The following ACTA2 variants were observed in gnomAD, a reference collection of about 807,000 sequenced individuals.
ACTA2 encodes actin, aortic smooth muscle.
Under a neutral mutation model 39.5 loss-of-function variants are expected in ACTA2, and 12 were observed. That is an observed-to-expected ratio of 0.30 (90% CI 0.19 to 0.49). ACTA2 has a LOEUF of 0.49. ACTA2 is among the 20% of genes least tolerant of loss of function. The pLI is 0.99. For synonymous variants in ACTA2, 158 were observed against 180.6 expected, an observed-to-expected ratio of 0.88 and a Z score of 1.00; for missense variants, 236 against 498.8, an observed-to-expected ratio of 0.47 and a Z score of 5.02.
At chr10:88,983,872 G>A (rs1228002875) in intron 1 of ACTA2, among the ~76,000 whole-genome samples, 3 of 152,178 alleles carry the variant, frequency 2.0e-5, no homozygotes, top group African/African-American at 4.8e-5. Context: ...AGGAATGCCT[G>A]CTTAGTGTCT....
At chr10:88,949,440 G>A (rs1846011419) in intron 1 of ACTA2, among the ~76,000 whole-genome samples, 2 of 152,244 alleles carry the variant, frequency 1.3e-5, no homozygotes, top group East Asian at 3.9e-4. Context: ...TGAGGGACAG[G>A]CAGCATGTAA....
At chr10:88,968,398 TAATGGAGCAATTA>T (rs139844950) in intron 1 of ACTA2, among the ~76,000 whole-genome samples, 80,150 of 151,884 alleles carry the variant, frequency 0.53, 23,053 homozygotes, top group Non-Finnish European at 0.66. Flanking sequence ...TTAAAACTCA[TAATGGAGCAATTA>T]AAACCATGTT....
At chr10:88,984,692 T>C (rs1204071557) in intron 1 of ACTA2, among the ~76,000 whole-genome samples, 1 of 151,622 alleles carries the variant, frequency 6.6e-6, no homozygotes. Context: ...TAGTTATTCA[T>C]GAAACCACTG....
At chr10:88,960,053 C>T (rs1435630918) in intron 1 of ACTA2, among the ~76,000 whole-genome samples, 1 of 152,116 alleles carries the variant, frequency 6.6e-6, no homozygotes, top group Non-Finnish European at 1.5e-5. Context: ...CTAATGTTTG[C>T]CAGGTTTCTC....
At chr10:88,980,706 C>A (rs962821267) in intron 1 of ACTA2, among the ~76,000 whole-genome samples, 1 of 152,192 alleles carries the variant, frequency 6.6e-6, no homozygotes, top group African/African-American at 2.4e-5. Context: ...AATGTCCCCC[C>A]TCTGGAGCAA....
intron 2 of ACTA2, among the ~76,000 whole-genome samples, chr10:88,948,068 G>A (rs1353687538): frequency 6.6e-6 from 1 of 152,084 alleles, no homozygotes; most frequent in Non-Finnish European, 1.5e-5. Context: ...AACAGCCATG[G>A]CTACTATGGA....
chr10:88,941,643 TAGA>T (rs1335933385), intron 5 of ACTA2, 139 bp downstream of exon 5: 16 of 864,594 alleles, frequency 1.9e-5, no homozygotes, highest in South Asian at 2.9e-5. Flanking sequence ...TTTTGAACAC[TAGA>T]AGAAGATCTT....
At chr10:88,947,147 C>G (rs894114479) in intron 3 of ACTA2, 111 bp downstream of exon 3, 1 of 1,447,592 alleles carries the variant, frequency 6.9e-7, no homozygotes, top group Non-Finnish European at 9.5e-7. Flanking sequence ...AGTAAAAGTA[C>G]AGTTGAGCAA....
At chr10:88,964,783 T>G (rs977430070) in intron 1 of ACTA2, among the ~76,000 whole-genome samples, 12 of 152,162 alleles carry the variant, frequency 7.9e-5, no homozygotes, top group Admixed American at 7.9e-4. Flanking sequence ...TCTCCTTCCC[T>G]GTTTGCAGCT....
At position 88,989,809 on chromosome 10, in the gene ACTA2, G is replaced by A. The variant is rs561478894; in HGVS notation, c.-24+1130C>T. Among the ~76,000 whole-genome samples, 6 of 152,284 alleles carry A rather than the reference G, an allele frequency of 3.9e-5. No homozygotes were observed. In the South Asian group the frequency reaches 1.2e-3, roughly 32 times the overall value. On this transcript the variant is annotated intron_variant, in intron 1 of 4. Coordinates refer to the ACTA2 transcript ENST00000415557. The stretch of plus-strand genomic sequence containing the variant: ...TGAGGTGCAGAGCTTGGTGGACGAT[G>A]CCAAAGGAATACTGAAACCTTTAGT...
chr10:88,955,508 G>T (rs1489077271), upstream of ACTA2, among the ~76,000 whole-genome samples: 1 of 152,176 alleles, frequency 6.6e-6, no homozygotes, highest in African/African-American at 2.4e-5. Flanking sequence ...GAAGACAAAG[G>T]CATGGAGTCT....
chr10:88,985,183 G>C (rs1564664689), intron 1 of ACTA2, among the ~76,000 whole-genome samples: 1 of 152,170 alleles, frequency 6.6e-6, no homozygotes, highest in Non-Finnish European at 1.5e-5. Flanking sequence ...TGTTTACCAG[G>C]TGAGAAAACT....
intron 1 of ACTA2, among the ~76,000 whole-genome samples, chr10:88,979,689 A>C (rs1416426252): frequency 6.6e-6 from 1 of 152,086 alleles, no homozygotes; most frequent in Non-Finnish European, 1.5e-5. Context: ...TGATCCTCCT[A>C]TCAAAAATCA....
At chr10:88,987,007 T>G (rs183701922) in intron 1 of ACTA2, among the ~76,000 whole-genome samples, 5 of 152,342 alleles carry the variant, frequency 3.3e-5, no homozygotes, top group Admixed American at 3.3e-4. Context: ...GTCTATATGA[T>G]TAGATTCACA....
chr10:88,991,295 G>A (rs1297641719), exon 1 of ACTA2: 3 of 402,454 alleles, frequency 7.5e-6, no homozygotes, highest in Admixed American at 3.9e-5. Context: ...GTTGGAGAGA[G>A]GAGCGGAACT....
At chr10:88,944,496 C>T (rs1433905301) in intron 3 of ACTA2, among the ~76,000 whole-genome samples, 4 of 152,154 alleles carry the variant, frequency 2.6e-5, no homozygotes, top group East Asian at 3.8e-4. Flanking sequence ...GAATAAATGA[C>T]GCTTACTTGA....
chr10:88,975,915 A>G (rs1286157059), intron 1 of ACTA2, among the ~76,000 whole-genome samples: 1 of 152,182 alleles, frequency 6.6e-6, no homozygotes. Context: ...CAGTGAGATT[A>G]ATAGAAGCCA....
At chr10:88,942,379 T>C (rs1017646500) in intron 4 of ACTA2, among the ~76,000 whole-genome samples, 1 of 152,248 alleles carries the variant, frequency 6.6e-6, no homozygotes, top group African/African-American at 2.4e-5. Flanking sequence ...AAGCTCAGGC[T>C]GGCTAGGTTT....
At chr10:88,952,630 A>C (rs1054979176) in intron 1 of ACTA2, 101 bp downstream of exon 1, 39 of 152,260 alleles carry the variant, frequency 2.6e-4, no homozygotes, top group Admixed American at 9.8e-4. Context: ...ATATCAGTGC[A>C]TGAACCCAGC....
Sources: allele counts gnomAD v4.1 joint callset (sites outside exome capture counted in the v4.1 genomes callset), GRCh38; gene constraint gnomAD v4.1.1; transcripts MANE v1.5; gene names NCBI Gene and HGNC (gene_info 2026-07-23, HGNC 2026-07-21).